The following CCDC85C variants were observed in gnomAD, a reference collection of about 807,000 sequenced individuals.
CCDC85C encodes the protein coiled-coil domain containing 85C.
Under a neutral mutation model 38.3 loss-of-function variants are expected in CCDC85C, and 18 were observed. The observed-to-expected ratio is 0.47, with a 90% CI of 0.33 to 0.70. CCDC85C has a LOEUF of 0.70. Among genes scored for constraint, CCDC85C ranks in the 30% least tolerant of loss-of-function variants. The probability of loss-of-function intolerance (pLI) is 0.03; values close to 1 mark genes in which losing one functional copy is unlikely to be tolerated. For missense variants in CCDC85C, 566 were observed against 621.2 expected, an observed-to-expected ratio of 0.91 and a Z score of 0.94; for synonymous variants, 264 against 293.8, an observed-to-expected ratio of 0.90 and a Z score of 1.04.
At position 99,515,165 on chromosome 14, in the gene CCDC85C, G is replaced by T; in HGVS notation, c.*81C>A. On this transcript the variant is annotated 3_prime_UTR_variant, in exon 6 of 6. Transcript: ENST00000380243. The stretch of plus-strand genomic sequence containing the variant: ...GAGGAAGAAGACAGGGGCTGGGCTG[G>T]AGGTCCTGCCCGTGTCTGGGGCCTG... The T allele has an allele frequency of 1.0e-6, 1 of 987,280 alleles. No homozygotes were observed. 61.2% of individuals were successfully genotyped at this position (987,280 alleles called of 1,614,324 possible).
At position 99,504,101 on chromosome 14, in the gene CCDC85C, G is replaced by C. The variant is rs1368799835; in HGVS notation, c.*11145C>G. The C allele has an allele frequency of 7.9e-6, 3 of 379,322 alleles. No individual in the cohort carries two copies. Among genetic ancestry groups the C allele is most frequent in the Non-Finnish European group, 1.6e-5 (3 of 189,584 alleles). 23.5% of individuals were successfully genotyped at this position (379,322 alleles called of 1,614,324 possible). ...GCAAGGCCTCTTTGAAACACACTTG[G>C]GTTGAGGTGCTGTCACATGTCTAGA... is the stretch of plus-strand genomic sequence containing the variant. On this transcript the variant is annotated 3_prime_UTR_variant, in exon 6 of 6. Transcript: ENST00000380243.
At chr14:99,578,308 A>AGTGTGTGT (rs144925029) in intron 1 of CCDC85C, among the ~76,000 whole-genome samples, 1 of 104,656 alleles carries the variant, frequency 9.6e-6, no homozygotes, top group Non-Finnish European at 1.9e-5. Context: ...ATCCCCCATC[A>AGTGTGTGT]GTGTGTGTGT....
chr14:99,601,236 C>T lies in CCDC85C; in HGVS notation c.793+1931G>A, dbSNP rs568374208. The stretch of plus-strand genomic sequence containing the variant: ...TTTCACCCCAAAGCAAGGTTTGCTG[C>T]CACAACATTTGCAGCAGTCCTGTGC... On this transcript the variant is annotated intron_variant, in intron 1 of 5. Transcript: ENST00000380243. Among the ~76,000 whole-genome samples the T allele has an allele frequency of 1.4e-4, 21 of 152,320 alleles. No individual in the cohort carries two copies. In the South Asian group the frequency reaches 4.3e-3, roughly 32 times the overall value.
Position 99,572,656 on chromosome 14 carries a change from A to G in CCDC85C, c.793+30511T>C. 1 of 455,762 alleles carries G rather than the reference A, an allele frequency of 2.2e-6. No individual in the cohort carries two copies. The highest frequency in any genetic ancestry group is 7.0e-5 in the East Asian group (1 of 14,386). The allele number at this position is 455,762 out of a possible 1,614,324, so 28.2% of individuals were successfully genotyped here. A position where few individuals can be genotyped will look rare whatever the true frequency, so the allele number is the denominator to read the frequency against. On this transcript the variant is annotated intron_variant, in intron 1 of 5. Coordinates refer to ENST00000380243, the MANE Select transcript of CCDC85C (RefSeq NM_001144995.2). The surrounding 1 kb of genome is among the most constrained non-coding windows in gnomAD (Gnocchi z 4.4). ...CTGCTTATCATCCAAGCCCCAGGTG[A>G]CCTGGCCCCTCCTTAAGAGGCCTCC...
At chr14:99,525,395 G>T (rs149715065) in intron 2 of CCDC85C, among the ~76,000 whole-genome samples, 1 of 152,178 alleles carries the variant, frequency 6.6e-6, no homozygotes, top group African/African-American at 2.4e-5. Flanking sequence ...ACAGAAAGAG[G>T]ATAAGACATG....
At chr14:99,522,055 CT>C in intron 3 of CCDC85C, 77 bp downstream of exon 3, 1 of 1,125,890 alleles carries the variant, frequency 8.9e-7, no homozygotes, top group Non-Finnish European at 1.3e-6. Flanking sequence ...CCTTGTGCCC[CT>C]CCGGGCAGGT....
At chr14:99,580,105 C>T (rs1184810938) in intron 1 of CCDC85C, 1 of 455,788 alleles carries the variant, frequency 2.2e-6, no homozygotes, top group African/African-American at 2.0e-5. Flanking sequence ...GGAATTCGGT[C>T]AGCAAAGTGG....
chr14:99,585,698 A>G (rs554124641), intron 1 of CCDC85C, among the ~76,000 whole-genome samples: 12 of 152,328 alleles, frequency 7.9e-5, no homozygotes, highest in African/African-American at 2.9e-4. Context: ...GCCTTGTCGG[A>G]GATCGCACGG....
intron 1 of CCDC85C, among the ~76,000 whole-genome samples, chr14:99,602,382 C>T (rs1032329401): frequency 2.0e-5 from 3 of 152,248 alleles, no homozygotes. Flanking sequence ...CGGATGACCA[C>T]GGCACTTCCT....
At chr14:99,601,821 C>A (rs566972456) in intron 1 of CCDC85C, among the ~76,000 whole-genome samples, 3 of 152,250 alleles carry the variant, frequency 2.0e-5, no homozygotes, top group African/African-American at 7.2e-5. Flanking sequence ...TCCCTCTAAA[C>A]CCAGTCCTGC....
rs1897583782 is a variant in CCDC85C at position 99,535,755 on chromosome 14, T to C, written c.867+260A>G. On this transcript the variant is annotated intron_variant, in intron 2 of 5. Transcript: ENST00000380243. This position sits in a 1 kb window ranked among gnomAD's most constrained non-coding sequence, Gnocchi z 5.5. ...AGCCCATTTCTTCATCAACTGGGTGTTGTCCACCCTCTCAGGCCCTGGGCC... is the reference window on the plus strand; with the variant it reads ...AGCCCATTTCTTCATCAACTGGGTGCTGTCCACCCTCTCAGGCCCTGGGCC... 2.0e-5 allele frequency among the ~76,000 whole-genome samples: 3 copies of C among 152,270 alleles called. No individual in the cohort carries two copies. The highest frequency in any genetic ancestry group is 2.1e-4 in the South Asian group (1 of 4,822).
At chr14:99,574,724 C>G (rs1228524637) in intron 1 of CCDC85C, among the ~76,000 whole-genome samples, 1 of 152,216 alleles carries the variant, frequency 6.6e-6, no homozygotes, top group East Asian at 1.9e-4. Flanking sequence ...TCCTTGTGTC[C>G]GCCCGAGGGG....
chr14:99,556,385 G>A (rs1249496141), intron 1 of CCDC85C, among the ~76,000 whole-genome samples: 1 of 152,188 alleles, frequency 6.6e-6, no homozygotes. Context: ...CTGCACTCCA[G>A]CCTGAGTCAC....
intron 1 of CCDC85C, among the ~76,000 whole-genome samples, chr14:99,597,585 G>T (rs954069657): frequency 6.6e-6 from 1 of 152,188 alleles, no homozygotes; most frequent in Non-Finnish European, 1.5e-5. Context: ...TGTGGGCACT[G>T]AAGTCTGAAA....
chr14:99,587,709 C>T (rs1019659477), intron 1 of CCDC85C, among the ~76,000 whole-genome samples: 2 of 152,160 alleles, frequency 1.3e-5, no homozygotes, highest in African/African-American at 2.4e-5. Flanking sequence ...GGCAGGCCGG[C>T]CAAGCAGGGA....
intron 1 of CCDC85C, among the ~76,000 whole-genome samples, chr14:99,552,050 T>C (rs1897922086): frequency 6.6e-6 from 1 of 152,042 alleles, no homozygotes; most frequent in South Asian, 2.1e-4. Context: ...AACCTGGAGG[T>C]CTCATCTGAA....
intron 1 of CCDC85C, among the ~76,000 whole-genome samples, chr14:99,584,585 C>T (rs2055007766): frequency 6.6e-6 from 1 of 152,206 alleles, no homozygotes. Context: ...CCTCCCTGAG[C>T]TCCTCTCAGG....
intron 1 of CCDC85C, among the ~76,000 whole-genome samples, chr14:99,568,486 G>A (rs1045903192): frequency 6.6e-6 from 1 of 151,976 alleles, no homozygotes; most frequent in African/African-American, 2.4e-5. Context: ...AGCTTCCTTG[G>A]GGGGTGGGAG....
intron 2 of CCDC85C, among the ~76,000 whole-genome samples, chr14:99,530,483 G>A (rs577128435): frequency 1.3e-4 from 20 of 152,244 alleles, no homozygotes; most frequent in Admixed American, 2.6e-4. Flanking sequence ...CAGCATCTCC[G>A]GAGGAACCCG....
Sources: allele counts gnomAD v4.1 joint callset (sites outside exome capture counted in the v4.1 genomes callset), GRCh38; gene constraint gnomAD v4.1.1; non-coding constraint Gnocchi (gnomAD v3.1); transcripts MANE v1.5; gene names NCBI Gene and HGNC (gene_info 2026-07-23, HGNC 2026-07-21).